LRP1B: variants seen among roughly 807,000 people sequenced by gnomAD.
The protein encoded by LRP1B is LDL receptor related protein 1B, also known as low-density lipoprotein receptor-related protein 1B.
A neutral mutation model predicts 556.6 loss-of-function variants in LRP1B; 217 were observed. The ratio of observed to expected loss-of-function variants is 0.39; its 90% CI spans 0.35 to 0.44. The LOEUF is 0.44. LRP1B is among the 20% of genes least tolerant of loss of function. The probability of loss-of-function intolerance (pLI) is 1.00; values close to 1 mark genes in which losing one functional copy is unlikely to be tolerated. For missense variants in LRP1B, 5,053 were observed against 5,620.8 expected, an observed-to-expected ratio of 0.90 and a Z score of 3.23; for synonymous variants, 2,047 against 1,865.8, an observed-to-expected ratio of 1.10 and a Z score of -2.50.
At chr2:141,884,986 A>G (rs1009532920) in intron 1 of LRP1B, among the ~76,000 whole-genome samples, 67 of 152,334 alleles carry the variant, frequency 4.4e-4, no homozygotes, top group African/African-American at 1.6e-3. Flanking sequence ...TCAATGTGTT[A>G]TGCTATGGTA....
intron 3 of LRP1B, among the ~76,000 whole-genome samples, chr2:141,339,213 A>ATTT (rs767527880): frequency 2.0e-5 from 3 of 150,210 alleles, no homozygotes; most frequent in Admixed American, 6.7e-5. Context: ...ATGTCTATAA[A>ATTT]TTTTTTCCCT....
chr2:140,364,927 G>A, intron 71 of LRP1B, 144 bp from the exon 72 acceptor site: 1 of 588,870 alleles, frequency 1.7e-6, no homozygotes. Context: ...CATAATACCA[G>A]GAACAAGTAA....
At chr2:140,796,775 G>A (rs1258707456) in intron 32 of LRP1B, among the ~76,000 whole-genome samples, 1 of 151,994 alleles carries the variant, frequency 6.6e-6, no homozygotes. Context: ...TAATTATAGT[G>A]CATTTAAAAT....
intron 2 of LRP1B, among the ~76,000 whole-genome samples, chr2:141,666,093 T>G (rs1273155307): frequency 6.6e-6 from 1 of 152,104 alleles, no homozygotes; most frequent in East Asian, 1.9e-4. Flanking sequence ...GTAACAAACC[T>G]GCACATTCTG....
intron 7 of LRP1B, among the ~76,000 whole-genome samples, chr2:141,097,162 A>G (rs966982478): frequency 5.3e-5 from 8 of 152,210 alleles, no homozygotes; most frequent in African/African-American, 1.9e-4. Context: ...TTAATTTTAC[A>G]TGATTACAGA....
intron 6 of LRP1B, among the ~76,000 whole-genome samples, chr2:141,204,528 C>A: frequency 6.6e-6 from 1 of 152,096 alleles, no homozygotes; most frequent in East Asian, 1.9e-4. Context: ...GAGAGATTTA[C>A]CCCATAGCAC....
chr2:140,306,988 A>T (rs759739475), intron 83 of LRP1B, among the ~76,000 whole-genome samples: 51 of 152,046 alleles, frequency 3.4e-4, no homozygotes, highest in Non-Finnish European at 1.5e-4. Context: ...ATTGCTTATA[A>T]GAAAAATGGA....
At chr2:141,544,273 GTCTTC>G (rs1685376991) in intron 2 of LRP1B, among the ~76,000 whole-genome samples, 1 of 129,000 alleles carries the variant, frequency 7.8e-6, no homozygotes, top group Non-Finnish European at 1.7e-5. Context: ...TTTAAAGAAA[GTCTTC>G]TCTTAAGAAA....
chr2:140,700,892 A>C (rs777575848), intron 40 of LRP1B, among the ~76,000 whole-genome samples: 4 of 152,142 alleles, frequency 2.6e-5, no homozygotes, highest in Non-Finnish European at 5.9e-5. Flanking sequence ...GAACCAGTTA[A>C]GTATATAAAT....
At chr2:141,198,488 A>G (rs536603985) in intron 6 of LRP1B, among the ~76,000 whole-genome samples, 1 of 152,238 alleles carries the variant, frequency 6.6e-6, no homozygotes, top group East Asian at 1.9e-4. Flanking sequence ...TCTACATAGA[A>G]CCTGTGCATG....
Position 141,595,607 on chromosome 2 carries a change from A to G in LRP1B, c.206-115074T>C, listed in dbSNP as rs886214238. Among the ~76,000 whole-genome samples, 3 of 152,220 alleles carry G rather than the reference A, an allele frequency of 2.0e-5. No individual in the cohort carries two copies. The East Asian group carries it at 5.8e-4, about 29-fold the overall frequency. On this transcript the variant is annotated intron_variant, in intron 2 of 90. Coordinates refer to ENST00000389484, the MANE Select transcript of LRP1B (RefSeq NM_018557.3). ...TATCATTCTTTTATGTAATGTTTTGACAAATTAGAAAAAATAATTTAGAAA... is the reference window on the plus strand; with the variant it reads ...TATCATTCTTTTATGTAATGTTTTGGCAAATTAGAAAAAATAATTTAGAAA...
intron 2 of LRP1B, among the ~76,000 whole-genome samples, chr2:141,584,369 T>C (rs980129593): frequency 6.6e-6 from 1 of 152,080 alleles, no homozygotes; most frequent in Non-Finnish European, 1.5e-5. Flanking sequence ...ATGTCTCTTA[T>C]AGAATAGAAA....
intron 72 of LRP1B, among the ~76,000 whole-genome samples, chr2:140,361,750 A>G (rs1443603048): frequency 6.6e-6 from 1 of 151,252 alleles, no homozygotes; most frequent in Non-Finnish European, 1.5e-5. Flanking sequence ...CTTTATTTCC[A>G]CACAGCGTAA....
intron 7 of LRP1B, among the ~76,000 whole-genome samples, chr2:141,114,575 A>AATCTGCCG (rs1700833449): frequency 6.6e-6 from 1 of 152,072 alleles, no homozygotes; most frequent in Non-Finnish European, 1.5e-5. Flanking sequence ...CTGTCATACC[A>AATCTGCCG]ATCTGCCGAT....
chr2:141,276,091 A>AT lies in LRP1B; in HGVS notation c.344-21451dup, dbSNP rs1206564841. ...AAAAGTATTCATTTTAATGGATCAT[A>AT]TTTTTTTGGTGAAGGCTATCTTAGC... On this transcript the variant is annotated intron_variant, in intron 3 of 90. Coordinates refer to ENST00000389484, the MANE Select transcript of LRP1B (RefSeq NM_018557.3). Among the ~76,000 whole-genome samples the AT allele has an allele frequency of 8.5e-5, 13 of 152,088 alleles. No individual in the cohort carries two copies. The South Asian group carries it at 2.7e-3, about 31-fold the overall frequency.
chr2:140,611,282 C>A (rs1001626083), intron 41 of LRP1B, among the ~76,000 whole-genome samples: 5 of 152,126 alleles, frequency 3.3e-5, no homozygotes, highest in African/African-American at 1.2e-4. Flanking sequence ...TCATTTGAAC[C>A]ACTTACACTG....
chr2:141,916,348 C>CTTATTTATTTAGTTAT (rs1700031325), intron 1 of LRP1B, among the ~76,000 whole-genome samples: 1 of 141,838 alleles, frequency 7.1e-6, no homozygotes, highest in Non-Finnish European at 1.5e-5. Flanking sequence ...CACGTTTTCA[C>CTTATTTATTTAGTTAT]TTATTTATTT....
intron 3 of LRP1B, among the ~76,000 whole-genome samples, chr2:141,406,353 A>G (rs942782912): frequency 2.0e-5 from 3 of 152,114 alleles, no homozygotes; most frequent in Non-Finnish European, 4.4e-5. Flanking sequence ...TGAGAATGAA[A>G]GAAGGTTCTT....
At chr2:141,252,938 A>C (rs1684316833) in intron 4 of LRP1B, among the ~76,000 whole-genome samples, 1 of 152,208 alleles carries the variant, frequency 6.6e-6, no homozygotes, top group African/African-American at 2.4e-5. Flanking sequence ...AATGTTCCAC[A>C]GAAGAAATTA....
Sources: allele counts gnomAD v4.1 joint callset (sites outside exome capture counted in the v4.1 genomes callset), GRCh38; gene constraint gnomAD v4.1.1; transcripts MANE v1.5; gene names NCBI Gene and HGNC (gene_info 2026-07-23, HGNC 2026-07-21).